Variants in MED13L observed in about 807,000 individuals in gnomAD.
The protein encoded by MED13L is mediator of RNA polymerase II transcription subunit 13-like.
In MED13L, 7 loss-of-function variants were observed where a neutral mutation model predicts 220.9. The observed-to-expected ratio is 0.03, with a 90% CI of 0.02 to 0.06. The LOEUF (loss-of-function observed/expected upper bound fraction) is 0.06. Ranked by LOEUF, MED13L falls within the 10% of genes least tolerant of loss-of-function variation. The pLI, the probability that MED13L is intolerant of heterozygous loss-of-function variation, is 1.00. For synonymous variants in MED13L, 1,011 were observed against 1,015.2 expected (o/e 1.00, Z 0.08); for missense variants, 1,965 against 2,760.5 (o/e 0.71, Z 6.46).
rs1237810842 is a variant in MED13L, at chr12:115,960,919, A to G, written c.*347T>C. 2 of 361,892 alleles carry G rather than the reference A, an allele frequency of 5.5e-6. No homozygotes were observed. The highest frequency in any genetic ancestry group is 2.1e-5 in the African/African-American group (1 of 47,296). 22.4% of individuals were successfully genotyped at this position (361,892 alleles called of 1,614,324 possible). ...CCCTCAATTGTATACAGAGGCTGAAAACACAGACTCTTGTGCAAAAGGACA... is the reference window on the plus strand; with the variant it reads ...CCCTCAATTGTATACAGAGGCTGAAGACACAGACTCTTGTGCAAAAGGACA... On this transcript the variant is annotated 3_prime_UTR_variant, in exon 31 of 31. Coordinates refer to ENST00000281928, the MANE Select transcript of MED13L (RefSeq NM_015335.5).
At chr12:115,970,469 C>G in intron 27 of MED13L, 125 bp downstream of exon 27, 1 of 928,128 alleles carries the variant, frequency 1.1e-6, no homozygotes, top group African/African-American at 1.6e-5. Context: ...AACCTTCTAT[C>G]CCCTCTTTAT....
chr12:116,216,300 C>T (rs1415038213), intron 2 of MED13L, among the ~76,000 whole-genome samples: 4 of 152,152 alleles, frequency 2.6e-5, no homozygotes, highest in Non-Finnish European at 5.9e-5. Context: ...CATGAGCCAC[C>T]ACACCTGTCC....
intron 17 of MED13L, among the ~76,000 whole-genome samples, chr12:115,987,568 G>A: frequency 6.6e-6 from 1 of 152,124 alleles, no homozygotes; most frequent in East Asian, 1.9e-4. Flanking sequence ...ATGGATAGGT[G>A]CGACTTTTTA....
At chr12:116,171,868 G>A (rs1019728170) in intron 2 of MED13L, among the ~76,000 whole-genome samples, 8 of 152,028 alleles carry the variant, frequency 5.3e-5, no homozygotes, top group Admixed American at 2.6e-4. Flanking sequence ...ACATGTATTC[G>A]TATTAAATTC....
intron 24 of MED13L, 36 bp from the exon 25 acceptor site, chr12:115,975,349 C>T: frequency 1.2e-6 from 2 of 1,613,690 alleles, no homozygotes; most frequent in East Asian, 2.2e-5. Context: ...GGAAGGGGTC[C>T]CTAGATAAAT....
At chr12:116,002,024 G>T (rs1020836358) in intron 14 of MED13L, among the ~76,000 whole-genome samples, 2 of 152,174 alleles carry the variant, frequency 1.3e-5, no homozygotes, top group African/African-American at 2.4e-5. Flanking sequence ...CATCTGACCT[G>T]CACATATCTA....
At chr12:116,210,362 A>G (rs1341955305) in intron 2 of MED13L, among the ~76,000 whole-genome samples, 1 of 151,940 alleles carries the variant, frequency 6.6e-6, no homozygotes, top group East Asian at 1.9e-4. Flanking sequence ...AAATCAGAAA[A>G]ACCACTAAGC....
intron 2 of MED13L, among the ~76,000 whole-genome samples, chr12:116,224,018 G>A (rs1868709607): frequency 6.6e-6 from 1 of 152,180 alleles, no homozygotes; most frequent in Admixed American, 6.5e-5. Context: ...CAATTTTAGT[G>A]TATGTGCTGC....
rs903941033 is a variant in MED13L, at chr12:115,961,012, C to A, written c.*254G>T. The A allele has an allele frequency of 1.2e-5, 6 of 510,994 alleles. No homozygotes were observed. The highest frequency in any genetic ancestry group is 1.2e-4 in the South Asian group (6 of 51,194). The allele number at this position is 510,994 out of a possible 1,614,324, so 31.7% of individuals were successfully genotyped here. A position where few individuals can be genotyped will look rare whatever the true frequency, so the allele number is the denominator to read the frequency against. On this transcript the variant is annotated 3_prime_UTR_variant, in exon 31 of 31. Transcript: ENST00000281928. The stretch of plus-strand genomic sequence containing the variant: ...ACTTCCTGGGGACCAGTGGTTGGGG[C>A]TACACACACCACCGCACTGGCTGAA...
At chr12:116,258,414 G>A (rs1268822276) in intron 1 of MED13L, among the ~76,000 whole-genome samples, 2 of 152,162 alleles carry the variant, frequency 1.3e-5, no homozygotes, top group Admixed American at 1.3e-4. Flanking sequence ...GCTCTGAGGT[G>A]AGAACATGTA....
intron 5 of MED13L, among the ~76,000 whole-genome samples, chr12:116,020,829 A>T (rs886562248): frequency 8.5e-5 from 13 of 152,178 alleles, no homozygotes; most frequent in African/African-American, 2.9e-4. Flanking sequence ...CTTTTTCTTA[A>T]TTCTAATTTT....
rs577597574 is a variant in MED13L at position 116,008,342 on chromosome 12, T to C, written c.2012+59A>G. On this transcript the variant is annotated intron_variant, in intron 10 of 30. Transcript: ENST00000281928. ...AATCTGAAAGTTTAGCAGGTAGAGA[T>C]GGGGAGGGAGCCCATGCCCTTCCGG... 8.5e-4 allele frequency: 1,313 copies of C among 1,542,000 alleles called. 28 individuals carry two copies. The South Asian group carries it at 0.014, about 16-fold the overall frequency.
intron 4 of MED13L, 131 bp downstream of exon 4, chr12:116,096,538 C>A (rs559600404): frequency 1.3e-4 from 84 of 653,804 alleles, no homozygotes; most frequent in Admixed American, 2.2e-4. Context: ...TATTTAAGAA[C>A]ACTGTGATCC....
chr12:115,992,152 A>C (rs916341595), intron 16 of MED13L, among the ~76,000 whole-genome samples, 195 bp from the exon 17 acceptor site: 1 of 152,180 alleles, frequency 6.6e-6, no homozygotes, highest in Non-Finnish European at 1.5e-5. Flanking sequence ...GTAGAGAAGA[A>C]GAAAGTAAGG....
At chr12:116,033,398 A>G (rs1291617408) in intron 4 of MED13L, among the ~76,000 whole-genome samples, 1 of 152,200 alleles carries the variant, frequency 6.6e-6, no homozygotes, top group Non-Finnish European at 1.5e-5. Context: ...AAAACTATAA[A>G]AACTTCTTAA....
intron 2 of MED13L, among the ~76,000 whole-genome samples, chr12:116,191,657 TA>T (rs1266011295): frequency 6.6e-6 from 1 of 152,098 alleles, no homozygotes; most frequent in Non-Finnish European, 1.5e-5. Context: ...ACTATCAAAT[TA>T]AAAAATTAGA....
chr12:116,160,811 T>G (rs932380786), intron 2 of MED13L, among the ~76,000 whole-genome samples: 1 of 151,252 alleles, frequency 6.6e-6, no homozygotes, highest in African/African-American at 2.4e-5. Flanking sequence ...CAAGTGATCC[T>G]CCTGCCTCAG....
chr12:116,203,332 G>A (rs1882117627), intron 2 of MED13L, among the ~76,000 whole-genome samples: 1 of 151,776 alleles, frequency 6.6e-6, no homozygotes, highest in African/African-American at 2.4e-5. Flanking sequence ...TCATCACTTT[G>A]TGGTGGTGTT....
intron 19 of MED13L, among the ~76,000 whole-genome samples, chr12:115,984,722 T>G (rs944250122): frequency 2.6e-5 from 4 of 152,170 alleles, no homozygotes; most frequent in African/African-American, 7.2e-5. Flanking sequence ...CTGAGACATA[T>G]GCCCACTAAA....
Sources: gnomAD v4.1 joint callset for allele counts (sites outside exome capture counted in the v4.1 genomes callset) on GRCh38, gnomAD v4.1.1 for gene constraint, MANE v1.5 for transcripts, NCBI Gene and HGNC (gene_info 2026-07-23, HGNC 2026-07-21) for gene names.